Variants in PRR5L observed in about 807,000 individuals in gnomAD.
The protein encoded by PRR5L is proline rich 5 like.
A neutral mutation model predicts 36.4 loss-of-function variants in PRR5L; 21 were observed. The ratio of observed to expected loss-of-function variants is 0.58; its 90% CI spans 0.41 to 0.83. PRR5L has a LOEUF of 0.83. PRR5L is among the 40% of genes least tolerant of loss of function. The pLI is 0.00. For synonymous variants in PRR5L, 188 were observed against 197.0 expected (o/e 0.95, Z 0.38); for missense variants, 381 against 473.3 (o/e 0.80, Z 1.81).
chr11:36,453,195 G>A (rs954127007), intron 8 of PRR5L, among the ~76,000 whole-genome samples: 1 of 152,180 alleles, frequency 6.6e-6, no homozygotes, highest in Admixed American at 6.5e-5. Flanking sequence ...ATGGGATACC[G>A]TTTGTCTTTA....
chr11:36,357,605 C>T (rs1187005613), intron 1 of PRR5L, among the ~76,000 whole-genome samples: 1 of 152,112 alleles, frequency 6.6e-6, no homozygotes, highest in Non-Finnish European at 1.5e-5. Context: ...TAAATATACT[C>T]TGCCTGTGCT....
chr11:36,454,743 C>G (rs551058529), intron 8 of PRR5L: 2 of 152,466 alleles, frequency 1.3e-5, no homozygotes, highest in Admixed American at 1.3e-4. Flanking sequence ...ACTGCACCCA[C>G]GCGCCCGCGC....
intron 3 of PRR5L, among the ~76,000 whole-genome samples, chr11:36,411,679 A>G (rs1275705532): frequency 2.0e-5 from 3 of 152,148 alleles, no homozygotes; most frequent in Non-Finnish European, 4.4e-5. Flanking sequence ...CAGATGGCAT[A>G]TGGGGGCTGC....
intron 3 of PRR5L, among the ~76,000 whole-genome samples, chr11:36,410,828 A>G (rs937476188): frequency 6.6e-6 from 1 of 152,138 alleles, no homozygotes; most frequent in Non-Finnish European, 1.5e-5. Flanking sequence ...ATCCTATTGC[A>G]GAAGTGAGGT....
In PRR5L at chr11:36,451,122, G is replaced by A. The variant is rs1858935751; in HGVS notation, c.586-87G>A. ...AGCAACACAGCCTTGTACATTGGAG[G>A]AGGACAATCAGGATTTGTTGAGTGA... On this transcript the variant is annotated intron_variant, in intron 7 of 8. Coordinates refer to ENST00000530639, the MANE Select transcript of PRR5L (RefSeq NM_001160167.2). The A allele has an allele frequency of 7.3e-6, 11 of 1,501,014 alleles. No homozygotes were observed. In the South Asian group the frequency reaches 1.2e-4, roughly 17 times the overall value. The allele number at this position is 1,501,014 out of a possible 1,614,324, so 93.0% of individuals were successfully genotyped here. A position where few individuals can be genotyped will look rare whatever the true frequency, so the allele number is the denominator to read the frequency against.
At chr11:36,347,394 G>A (rs576279512) in intron 1 of PRR5L, among the ~76,000 whole-genome samples, 2 of 152,268 alleles carry the variant, frequency 1.3e-5, no homozygotes, top group African/African-American at 4.8e-5. Context: ...GCCTAACCTA[G>A]TTTGAGATGG....
chr11:36,420,643 G>T (rs972510722), intron 4 of PRR5L, among the ~76,000 whole-genome samples: 1 of 152,200 alleles, frequency 6.6e-6, no homozygotes, highest in Non-Finnish European at 1.5e-5. Context: ...AAAGTAGCAT[G>T]AAATGCCTAA....
chr11:36,326,075 A>T (rs1900333), intron 1 of PRR5L, among the ~76,000 whole-genome samples: 92,395 of 151,960 alleles, frequency 0.61, 29,451 homozygotes, highest in East Asian at 0.88. Flanking sequence ...GTGTGCCTTT[A>T]TATTTTACTT....
intron 1 of PRR5L, among the ~76,000 whole-genome samples, chr11:36,351,675 T>A (rs1158254356): frequency 1.3e-3 from 2 of 1,560 alleles, no homozygotes; most frequent in African/African-American, 4.0e-3. Flanking sequence ...ATTTATATAC[T>A]TATATATTTA....
intron 1 of PRR5L, among the ~76,000 whole-genome samples, chr11:36,342,343 GC>G (rs765790278): frequency 8.5e-4 from 130 of 152,194 alleles, no homozygotes; most frequent in Non-Finnish European, 1.5e-3. Context: ...GCAGACGGGG[GC>G]GAAATATGCC....
intron 1 of PRR5L, among the ~76,000 whole-genome samples, chr11:36,307,613 A>G (rs1247279676): frequency 1.3e-5 from 2 of 152,192 alleles, no homozygotes; most frequent in Admixed American, 6.5e-5. Flanking sequence ...GAAGTAGTGC[A>G]TGAGGATACC....
chr11:36,387,729 A>G (rs1196482978), intron 1 of PRR5L, among the ~76,000 whole-genome samples: 1 of 152,286 alleles, frequency 6.6e-6, no homozygotes, highest in East Asian at 1.9e-4. Context: ...GGCCACAGGG[A>G]CTGATTAGTG....
chr11:36,362,760 A>G (rs1857104338), intron 1 of PRR5L, among the ~76,000 whole-genome samples: 1 of 152,204 alleles, frequency 6.6e-6, no homozygotes, highest in South Asian at 2.1e-4. Context: ...TGGGGATTCA[A>G]AGATAAATAA....
chr11:36,409,022 C>G (rs1386950820), intron 3 of PRR5L, among the ~76,000 whole-genome samples: 1 of 152,026 alleles, frequency 6.6e-6, no homozygotes, highest in Non-Finnish European at 1.5e-5. Flanking sequence ...GATCTTACAG[C>G]AGAATGAGAG....
chr11:36,356,781 G>T (rs1467782853), intron 1 of PRR5L, among the ~76,000 whole-genome samples: 1 of 152,136 alleles, frequency 6.6e-6, no homozygotes, highest in East Asian at 1.9e-4. Context: ...TCCATTAAGT[G>T]GTTGTTCCCC....
intron 1 of PRR5L, among the ~76,000 whole-genome samples, chr11:36,392,898 T>C (rs1046708651): frequency 2.6e-5 from 4 of 152,216 alleles, no homozygotes; most frequent in Admixed American, 6.5e-5. Flanking sequence ...ACATGAGATT[T>C]GGGTGGGGAC....
At chr11:36,431,797 A>T (rs1858501563) in intron 4 of PRR5L, 56 bp from the exon 5 acceptor site, 2 of 1,526,092 alleles carry the variant, frequency 1.3e-6, no homozygotes, top group Non-Finnish European at 1.8e-6. Flanking sequence ...AAGAGGGTTC[A>T]TCACTTACGC....
intron 1 of PRR5L, among the ~76,000 whole-genome samples, chr11:36,328,825 G>A (rs949930293): frequency 2.0e-5 from 3 of 152,126 alleles, no homozygotes; most frequent in Admixed American, 6.5e-5. Context: ...TCTTTATAGT[G>A]GTATATTCTG....
Position 36,437,416 on chromosome 11 carries a change from C to G in PRR5L, c.384C>G (p.Val128=). The G allele has an allele frequency of 1.9e-6, 3 of 1,613,172 alleles. No homozygotes were observed. Among genetic ancestry groups the G allele is most frequent in the Non-Finnish European group, 2.5e-6 (3 of 1,179,126 alleles). Residue 128 remains valine, a synonymous_variant, in exon 6 of 9, where the codon GTC becomes GTG. Transcript: ENST00000530639. ...ATCGCATTGAGGTTCTGGCTGAAGT[C>G]TGGGACCACTTCTTCACTGAGACTC... ...GENRIEVLAE[V]WDHFFTETLP... is the part of the protein sequence containing the mutation.
Sources: gnomAD v4.1 joint callset for allele counts (sites outside exome capture counted in the v4.1 genomes callset) on GRCh38, gnomAD v4.1.1 for gene constraint, MANE v1.5 for transcripts, NCBI Gene and HGNC (gene_info 2026-07-23, HGNC 2026-07-21) for gene names.